Variants in VPS13D observed in about 807,000 individuals in gnomAD.
VPS13D encodes vacuolar protein sorting 13 homolog D.
Under a neutral mutation model 461.9 loss-of-function variants are expected in VPS13D, and 187 were observed. The ratio of observed to expected loss-of-function variants is 0.40; its 90% CI spans 0.36 to 0.46. The LOEUF (loss-of-function observed/expected upper bound fraction) is 0.46. Ranked by LOEUF, VPS13D falls within the 20% of genes least tolerant of loss-of-function variation. The probability of loss-of-function intolerance (pLI) is 0.60; values close to 1 mark genes in which losing one functional copy is unlikely to be tolerated. For synonymous variants in VPS13D, 1,951 were observed against 1,986.3 expected (o/e 0.98, Z 0.47); for missense variants, 4,711 against 5,364.9 (o/e 0.88, Z 3.81).
chr1:12,448,494 G>T (rs751320541), intron 65 of VPS13D, among the ~76,000 whole-genome samples: 1 of 152,032 alleles, frequency 6.6e-6, no homozygotes, highest in East Asian at 1.9e-4. Context: ...GACAAGTAGG[G>T]GTCTGGCATT....
chr1:12,342,769 A>G, intron 41 of VPS13D, 130 bp from the exon 42 acceptor site: 2 of 1,055,624 alleles, frequency 1.9e-6, no homozygotes, highest in Non-Finnish European at 1.3e-6. Context: ...CATTCTTTGT[A>G]GCTAGGTCAT....
chr1:12,231,262 T>C lies in VPS13D; in HGVS notation c.-77+1142T>C, dbSNP rs947702619. On this transcript the variant is annotated intron_variant, in intron 1 of 69. Coordinates refer to ENST00000620676, the MANE Select transcript of VPS13D (RefSeq NM_015378.4). ...CTGATGGACCGGAGTGTAAACACTT[T>C]GGGACTCTGGCCAGTCTGGCGGCCC... Among the ~76,000 whole-genome samples the C allele has an allele frequency of 5.9e-5, 9 of 152,352 alleles. No individual in the cohort carries two copies. The East Asian group carries it at 1.3e-3, about 23-fold the overall frequency.
chr1:12,310,526 C>T (rs1246563408), intron 27 of VPS13D, among the ~76,000 whole-genome samples: 1 of 152,148 alleles, frequency 6.6e-6, no homozygotes, highest in African/African-American at 2.4e-5. Context: ...CTGTCCATCC[C>T]AGCTGAGATG....
chr1:12,507,197 G>T lies in VPS13D; in HGVS notation c.13035+104G>T, dbSNP rs2100567371. 6.3e-7 allele frequency: 1 copy of T among 1,597,754 alleles called. No individual in the cohort carries two copies. Among genetic ancestry groups the T allele is most frequent in the South Asian group, 1.1e-5 (1 of 90,148 alleles). ...GCAGGAGCTCATTTAGGAGGTTGAGGCTGGGCCCTTCCCAGGAGTGCTGCC... is the reference window on the plus strand; with the variant it reads ...GCAGGAGCTCATTTAGGAGGTTGAGTCTGGGCCCTTCCCAGGAGTGCTGCC... On this transcript the variant is annotated intron_variant, in intron 69 of 69. Coordinates refer to ENST00000620676, the MANE Select transcript of VPS13D (RefSeq NM_015378.4). The surrounding 1 kb of genome is among the most constrained non-coding windows in gnomAD (Gnocchi z 5.3).
chr1:12,407,439 T>C (rs1644670388), intron 63 of VPS13D: 1 of 152,220 alleles, frequency 6.6e-6, no homozygotes, highest in Non-Finnish European at 1.5e-5. Flanking sequence ...TATTAGGAGC[T>C]TATGAACACA....
chr1:12,262,438 T>G (rs1248085568), intron 13 of VPS13D, among the ~76,000 whole-genome samples: 2 of 152,210 alleles, frequency 1.3e-5, no homozygotes, highest in Non-Finnish European at 2.9e-5. Flanking sequence ...ACTTCGGATT[T>G]TGAATTTTGA....
intron 26 of VPS13D, among the ~76,000 whole-genome samples, chr1:12,307,806 TG>T (rs1642610200): frequency 6.6e-6 from 1 of 152,216 alleles, no homozygotes; most frequent in African/African-American, 2.4e-5. Context: ...GAAAGAATTT[TG>T]GATTAACCGT....
chr1:12,372,736 A>T (rs749284781), intron 54 of VPS13D, among the ~76,000 whole-genome samples: 3 of 151,634 alleles, frequency 2.0e-5, no homozygotes. Context: ...TTTGGGGGGA[A>T]CAAAGATTAC....
chr1:12,362,060 G>A (rs1643959062), intron 50 of VPS13D, among the ~76,000 whole-genome samples: 1 of 151,738 alleles, frequency 6.6e-6, no homozygotes, highest in South Asian at 2.1e-4. Flanking sequence ...ATGGGGTTTC[G>A]CCATGTTGGC....
At chr1:12,247,762 G>A (rs1640605797) in intron 5 of VPS13D, among the ~76,000 whole-genome samples, 2 of 149,524 alleles carry the variant, frequency 1.3e-5, no homozygotes, top group Admixed American at 1.3e-4. Context: ...GGAATGTGGT[G>A]GCGTGATCTC....
At chr1:12,324,699 T>C (rs998729851) in intron 35 of VPS13D, among the ~76,000 whole-genome samples, 1 of 152,264 alleles carries the variant, frequency 6.6e-6, no homozygotes, top group Non-Finnish European at 1.5e-5. Flanking sequence ...AAGAAAGTGC[T>C]AGCACACAGC....
At chr1:12,456,636 C>CAAAAAAAAAAA (rs367987300) in intron 66 of VPS13D, among the ~76,000 whole-genome samples, 1 of 83,672 alleles carries the variant, frequency 1.2e-5, no homozygotes, top group African/African-American at 4.6e-5. Flanking sequence ...GACTCCAATT[C>CAAAAAAAAAAA]AAAAAAAAAA....
At chr1:12,427,009 C>A (rs1029211057) in intron 65 of VPS13D, among the ~76,000 whole-genome samples, 1 of 151,788 alleles carries the variant, frequency 6.6e-6, no homozygotes, top group African/African-American at 2.4e-5. Context: ...AGTGAGTCTT[C>A]GTCTCAAGAA....
Position 12,318,058 on chromosome 1 carries a change from T to C in VPS13D, c.7149-14T>C. On this transcript the variant is annotated splice_polypyrimidine_tract_variant and intron_variant, in intron 30 of 69. Transcript: ENST00000620676. ...CTTTTTTCCTATTTATTTTCTCCTG[T>C]CTTCTTTTTATAGATCTACCAAGGA... The C allele has an allele frequency of 6.3e-7, 1 of 1,592,510 alleles. No homozygotes were observed.
chr1:12,336,080 G>C, intron 39 of VPS13D: 1 of 411,918 alleles, frequency 2.4e-6, no homozygotes, highest in East Asian at 4.8e-5. Context: ...CTAAATCCTG[G>C]TAATAATGCA....
rs1413985725 is a variant in VPS13D at position 12,287,688 on chromosome 1, C to T, written c.5635-535C>T. Among the ~76,000 whole-genome samples the T allele has an allele frequency of 3.3e-5, 5 of 152,164 alleles. 1 individual carries two copies. Among genetic ancestry groups the T allele is most frequent in the Non-Finnish European group, 2.9e-5 (2 of 68,018 alleles). ...AATTTATTTGTTACAAAGAATGCTA[C>T]TTCCAAGACAGGGGATTTTTTCTTC... On this transcript the variant is annotated intron_variant, in intron 21 of 69. Coordinates refer to ENST00000620676, the MANE Select transcript of VPS13D (RefSeq NM_015378.4).
At chr1:12,367,583 T>C (rs1644054909) in intron 52 of VPS13D, 2 of 151,750 alleles carry the variant, frequency 1.3e-5, no homozygotes, top group South Asian at 4.2e-4. Flanking sequence ...TATTTATTTA[T>C]TTATTTTTGG....
Position 12,363,267 on chromosome 1 carries a change from T to A in VPS13D, c.10448+20T>A. The A allele has an allele frequency of 6.2e-7, 1 of 1,611,700 alleles. No individual in the cohort carries two copies. The highest frequency in any genetic ancestry group is 8.5e-7 in the Non-Finnish European group (1 of 1,178,610). On this transcript the variant is annotated intron_variant, in intron 52 of 69. Coordinates refer to ENST00000620676, the MANE Select transcript of VPS13D (RefSeq NM_015378.4). ...CATGAGGTAAGTTTGAGACTCTAAA[T>A]ATAGACAAAAAGGTAGCCCCTGTTT...
At chr1:12,373,444 T>TG (rs983622463) in intron 54 of VPS13D, among the ~76,000 whole-genome samples, 6 of 151,610 alleles carry the variant, frequency 4.0e-5, no homozygotes, top group African/African-American at 1.2e-4. Flanking sequence ...TTTTTTTTGG[T>TG]GGGGGGGCCT....
Sources: gnomAD v4.1 joint callset for allele counts (sites outside exome capture counted in the v4.1 genomes callset) on GRCh38, gnomAD v4.1.1 for gene constraint, Gnocchi (gnomAD v3.1) non-coding constraint, MANE v1.5 for transcripts, NCBI Gene and HGNC (gene_info 2026-07-23, HGNC 2026-07-21) for gene names.